The following KSR1 variants were observed in gnomAD, a reference collection of about 807,000 sequenced individuals.
KSR1 encodes kinase suppressor of ras.
A neutral mutation model predicts 92.9 loss-of-function variants in KSR1; 35 were observed. The ratio of observed to expected loss-of-function variants is 0.38; its 90% CI spans 0.29 to 0.50. The LOEUF (loss-of-function observed/expected upper bound fraction) is 0.50, where lower values mean the gene tolerates loss of function less well. Ranked by LOEUF, KSR1 falls within the 20% of genes least tolerant of loss-of-function variation. KSR1 has a pLI of 0.94. For synonymous variants in KSR1, 467 were observed against 472.6 expected, an observed-to-expected ratio of 0.99 and a Z score of 0.15; for missense variants, 972 against 1,158.5, an observed-to-expected ratio of 0.84 and a Z score of 2.34.
intron 9 of KSR1, among the ~76,000 whole-genome samples, chr17:27,593,933 C>T (rs944519002): frequency 6.6e-6 from 1 of 152,180 alleles, no homozygotes; most frequent in African/African-American, 2.4e-5. Context: ...CAAGCTCCCT[C>T]GAGGCCTTCC....
chr17:27,457,241 C>A (rs977826874), intron 1 of KSR1, among the ~76,000 whole-genome samples: 26 of 152,114 alleles, frequency 1.7e-4, no homozygotes, highest in African/African-American at 6.0e-4. Flanking sequence ...GTGACTGAGC[C>A]GAGCACCCGT....
chr17:27,507,563 CTTTTTTTTTTTTTTTTT>C (rs751092460), intron 1 of KSR1, among the ~76,000 whole-genome samples: 4 of 43,326 alleles, frequency 9.2e-5, no homozygotes, highest in East Asian at 9.1e-4. Context: ...TATTGTTTGG[CTTTTTTTTTTTTTTTTT>C]TTTTTTTTTT....
intron 1 of KSR1, among the ~76,000 whole-genome samples, chr17:27,472,328 C>T (rs761858068): frequency 3.9e-5 from 6 of 152,144 alleles, no homozygotes; most frequent in Admixed American, 1.3e-4. Flanking sequence ...ACTCACATAG[C>T]GAGGTGTGGA....
intron 1 of KSR1, among the ~76,000 whole-genome samples, chr17:27,479,428 C>T (rs1298707729): frequency 6.6e-6 from 1 of 152,212 alleles, no homozygotes; most frequent in African/African-American, 2.4e-5. Context: ...TTCCCGTTCT[C>T]GCTGCAGCAT....
chr17:27,502,833 G>A (rs760503247), intron 1 of KSR1, among the ~76,000 whole-genome samples: 14 of 152,220 alleles, frequency 9.2e-5, no homozygotes, highest in Non-Finnish European at 1.8e-4. Context: ...TGGGCCAAGC[G>A]AGTGGCTCCC....
intron 1 of KSR1, among the ~76,000 whole-genome samples, chr17:27,464,594 C>T (rs1313761466): frequency 6.6e-6 from 1 of 151,978 alleles, no homozygotes; most frequent in African/African-American, 2.4e-5. Context: ...GTTGTGCACA[C>T]CTGTTGTCCC....
intron 1 of KSR1, among the ~76,000 whole-genome samples, chr17:27,507,079 C>T (rs2069412820): frequency 6.6e-6 from 1 of 152,140 alleles, no homozygotes. Context: ...TAGTCCTAGT[C>T]GGGGTGTGCA....
chr17:27,562,418 G>A (rs899990744), intron 2 of KSR1, among the ~76,000 whole-genome samples: 2 of 150,150 alleles, frequency 1.3e-5, no homozygotes, highest in African/African-American at 4.9e-5. Context: ...GGGTGAAGAC[G>A]AGGTGGCTGC....
At chr17:27,550,740 G>C (rs763113647) in intron 2 of KSR1, 32 bp downstream of exon 2, 2 of 750,720 alleles carry the variant, frequency 2.7e-6, no homozygotes, top group African/African-American at 3.4e-5. Context: ...ATAGGGATAG[G>C]CATGAGGGGC....
In KSR1 at chr17:27,617,914, G is replaced by A. The variant is rs573123114; in HGVS notation, c.2627+486G>A. Among the ~76,000 whole-genome samples, 5 of 152,090 alleles carry A rather than the reference G, an allele frequency of 3.3e-5. No individual in the cohort carries two copies. The East Asian group carries it at 9.7e-4, about 29-fold the overall frequency. ...CTTGCCCAAGTGATACGAGGATTTCGTTTACCACATTTATTTTGGAGACTC... is the reference window on the plus strand; with the variant it reads ...CTTGCCCAAGTGATACGAGGATTTCATTTACCACATTTATTTTGGAGACTC... On this transcript the variant is annotated intron_variant, in intron 19 of 20. Transcript: ENST00000644974.
intron 1 of KSR1, among the ~76,000 whole-genome samples, chr17:27,543,128 C>T (rs1334844497): frequency 6.6e-6 from 1 of 152,246 alleles, no homozygotes; most frequent in Non-Finnish European, 1.5e-5. Context: ...CCTGTGGAAG[C>T]CGCCCGTGGG....
intron 1 of KSR1, among the ~76,000 whole-genome samples, chr17:27,505,253 C>G (rs142331580): frequency 1.3e-5 from 2 of 152,278 alleles, no homozygotes; most frequent in African/African-American, 4.8e-5. Context: ...GCTCCCAGAC[C>G]GAGGGGTTGA....
intron 1 of KSR1, among the ~76,000 whole-genome samples, chr17:27,510,231 C>T (rs1450173220): frequency 1.3e-5 from 2 of 152,192 alleles, no homozygotes; most frequent in African/African-American, 2.4e-5. Context: ...CTGGAAAAAC[C>T]ATCCCTGATT....
At chr17:27,505,814 C>A (rs1019019809) in intron 1 of KSR1, among the ~76,000 whole-genome samples, 7 of 152,206 alleles carry the variant, frequency 4.6e-5, no homozygotes, top group Non-Finnish European at 1.0e-4. Flanking sequence ...TTGCCATCAA[C>A]CATGCTTCCA....
At position 27,577,562 on chromosome 17, in the gene KSR1, G is replaced by A. The variant is rs750058145; in HGVS notation, c.443G>A (p.Arg148Gln). 33 of 1,605,638 alleles carry A rather than the reference G, an allele frequency of 2.1e-5. No individual in the cohort carries two copies. The South Asian group carries it at 2.1e-4, about 10-fold the overall frequency. The change falls in exon 3 of 21, where the codon CGG becomes CAG. Residue 148 changes from arginine (R) to glutamine (Q), a missense_variant. Transcript: ENST00000644974. The surrounding 1 kb of genome is among the most constrained non-coding windows in gnomAD (Gnocchi z 4.5). ...MNEAKVKETLRRCGASGDECG... is the reference protein window; with the variant it reads ...MNEAKVKETLQRCGASGDECG... The stretch of plus-strand genomic sequence containing the variant: ...GAGGCCAAGGTGAAGGAGACGCTGC[G>A]GCGCTGTGGGGCCAGCGGGGATGAG...
intron 1 of KSR1, among the ~76,000 whole-genome samples, chr17:27,486,391 C>T (rs544334422): frequency 6.6e-6 from 1 of 152,186 alleles, no homozygotes. Context: ...CCAACCCCAT[C>T]CACCCCGCCA....
chr17:27,466,562 C>T lies in KSR1; in HGVS notation c.231+9688C>T, dbSNP rs566257335. ...CAGTGTCTACCAGGAACCTCATGAT[C>T]CCCCTGATGGGCAGAAAACAATCCA... On this transcript the variant is annotated intron_variant, in intron 1 of 20. Transcript: ENST00000644974. Among the ~76,000 whole-genome samples, 111 of 152,310 alleles carry T rather than the reference C, an allele frequency of 7.3e-4. 1 individual carries two copies. The highest frequency in any genetic ancestry group is 6.6e-3 in the South Asian group (32 of 4,826).
intron 1 of KSR1, among the ~76,000 whole-genome samples, chr17:27,487,280 C>CA (rs2068694290): frequency 6.6e-6 from 1 of 150,740 alleles, no homozygotes. Flanking sequence ...ACTAAAAATA[C>CA]AAAAATTAGC....
chr17:27,529,451 G>T (rs2070449680), intron 1 of KSR1, among the ~76,000 whole-genome samples: 1 of 152,198 alleles, frequency 6.6e-6, no homozygotes, highest in Admixed American at 6.5e-5. Flanking sequence ...GGCTCAAGGG[G>T]TGAGGGCCAC....
Sources: gnomAD v4.1 joint callset for allele counts (sites outside exome capture counted in the v4.1 genomes callset) on GRCh38, gnomAD v4.1.1 for gene constraint, Gnocchi (gnomAD v3.1) non-coding constraint, MANE v1.5 for transcripts, NCBI Gene and HGNC (gene_info 2026-07-23, HGNC 2026-07-21) for gene names.